DOCK10: variants seen among roughly 807,000 people sequenced by gnomAD.
The protein encoded by DOCK10 is dedicator of cytokinesis 10, also known as dedicator of cytokinesis protein 10.
Under a neutral mutation model 280.1 loss-of-function variants are expected in DOCK10, and 145 were observed. That is an observed-to-expected ratio of 0.52 (90% CI 0.45 to 0.59). The LOEUF (loss-of-function observed/expected upper bound fraction) is 0.59, where lower values mean the gene tolerates loss of function less well. DOCK10 is among the 20% of genes least tolerant of loss of function. The probability of loss-of-function intolerance (pLI) is 0.00; values close to 1 mark genes in which losing one functional copy is unlikely to be tolerated. For missense variants in DOCK10, 2,368 were observed against 2,651.7 expected, an observed-to-expected ratio of 0.89 and a Z score of 2.35; for synonymous variants, 915 against 942.2, an observed-to-expected ratio of 0.97 and a Z score of 0.53.
chr2:224,884,608 C>T (rs528126029), intron 7 of DOCK10, among the ~76,000 whole-genome samples: 2 of 152,094 alleles, frequency 1.3e-5, no homozygotes, highest in Non-Finnish European at 2.9e-5. Flanking sequence ...CACAGTGGCC[C>T]GTGCTGAATT....
At chr2:224,867,501 T>A (rs1029732963) in intron 11 of DOCK10, among the ~76,000 whole-genome samples, 1 of 152,090 alleles carries the variant, frequency 6.6e-6, no homozygotes, top group Non-Finnish European at 1.5e-5. Flanking sequence ...TCTTAACCTC[T>A]TGCCCCCAGG....
In DOCK10 at chr2:225,016,393, G is replaced by T. The variant is rs1424584980; in HGVS notation, c.123+25859C>A. 2.0e-5 allele frequency among the ~76,000 whole-genome samples: 3 copies of T among 151,682 alleles called. No homozygotes were observed. The East Asian group carries it at 5.9e-4, about 30-fold the overall frequency. On this transcript the variant is annotated intron_variant, in intron 1 of 55. Transcript: ENST00000258390. ...GTTTTTGACAAAAAGGAAATATTATGATGTTCTTATATGAGTAAGAAGGCA... is the reference window on the plus strand; with the variant it reads ...GTTTTTGACAAAAAGGAAATATTATTATGTTCTTATATGAGTAAGAAGGCA...
chr2:224,825,892 G>A (rs1694814442), intron 27 of DOCK10, among the ~76,000 whole-genome samples: 1 of 152,194 alleles, frequency 6.6e-6, no homozygotes, highest in Non-Finnish European at 1.5e-5. Flanking sequence ...AGCATGGCGA[G>A]GTCAAGGGGA....
chr2:224,872,325 C>A (rs1170660412), intron 11 of DOCK10, among the ~76,000 whole-genome samples: 1 of 152,132 alleles, frequency 6.6e-6, no homozygotes, highest in Non-Finnish European at 1.5e-5. Flanking sequence ...TGATATGGTA[C>A]CATGTGTAAC....
intron 24 of DOCK10, among the ~76,000 whole-genome samples, chr2:224,838,519 T>G (rs896969849): frequency 1.1e-4 from 16 of 152,122 alleles, no homozygotes; most frequent in Admixed American, 9.2e-4. Flanking sequence ...GAAAAGAGCA[T>G]GAGTTGAAGG....
At chr2:224,801,871 G>T (rs1451040781) in intron 40 of DOCK10, 45 bp downstream of exon 40, 1 of 1,600,764 alleles carries the variant, frequency 6.2e-7, no homozygotes, top group East Asian at 2.2e-5. Flanking sequence ...CATACCTAGA[G>T]AAAAACTGGT....
At chr2:224,783,382 C>A (rs1331996587) in intron 50 of DOCK10, among the ~76,000 whole-genome samples, 3 of 151,610 alleles carry the variant, frequency 2.0e-5, no homozygotes, top group Admixed American at 1.3e-4. Flanking sequence ...TCACGCCATT[C>A]TCCTGCTTCA....
At chr2:224,810,174 A>G (rs1693665421) in intron 31 of DOCK10, among the ~76,000 whole-genome samples, 1 of 152,172 alleles carries the variant, frequency 6.6e-6, no homozygotes, top group Admixed American at 6.6e-5. Flanking sequence ...GGTACGATGT[A>G]CATTATTTGG....
At chr2:224,919,679 G>A (rs1205460780) in intron 2 of DOCK10, among the ~76,000 whole-genome samples, 2 of 151,112 alleles carry the variant, frequency 1.3e-5, no homozygotes, top group East Asian at 1.9e-4. Context: ...GTCTGTCCAC[G>A]TGTGAATGGG....
intron 3 of DOCK10, among the ~76,000 whole-genome samples, chr2:224,897,650 T>G (rs1485322799): frequency 6.6e-6 from 1 of 152,228 alleles, no homozygotes; most frequent in East Asian, 1.9e-4. Flanking sequence ...CATGTGATGT[T>G]TCTCTTTCTG....
intron 2 of DOCK10, among the ~76,000 whole-genome samples, chr2:224,921,112 A>AAAAAAAAAAAAAAT: frequency 7.3e-5 from 4 of 54,432 alleles, no homozygotes; most frequent in African/African-American, 3.1e-4. Flanking sequence ...AAAAAAAAAA[A>AAAAAAAAAAAAAAT]ATATATATAT....
In DOCK10 at chr2:225,035,572, A is replaced by ATATATATATAT. The variant is rs1553634951; in HGVS notation, c.123+6669_123+6679dup. Among the ~76,000 whole-genome samples the ATATATATATAT allele has an allele frequency of 9.9e-4, 69 of 69,956 alleles. 2 individuals carry two copies. Among genetic ancestry groups the ATATATATATAT allele is most frequent in the Admixed American group, 2.9e-3 (17 of 5,928 alleles). 45.9% of individuals were successfully genotyped at this position (69,956 alleles called of 152,430 possible). A position where few individuals can be genotyped will look rare whatever the true frequency, so the allele number is the denominator to read the frequency against. On this transcript the variant is annotated intron_variant, in intron 1 of 55. Coordinates refer to ENST00000258390, the MANE Select transcript of DOCK10 (RefSeq NM_014689.3). ...TATATATATATATATATATATATAT[A>ATATATATATAT]TATATATATATATATAACACTGAAT... is the stretch of plus-strand genomic sequence containing the variant.
At chr2:224,797,240 C>G in intron 42 of DOCK10, 94 bp from the exon 43 acceptor site, 1 of 947,116 alleles carries the variant, frequency 1.1e-6, no homozygotes, top group East Asian at 3.1e-5. Flanking sequence ...CAAAATCCCT[C>G]TCCTTTTTTT....
At chr2:224,983,729 A>G in intron 1 of DOCK10, 1 of 470,696 alleles carries the variant, frequency 2.1e-6, no homozygotes, top group Non-Finnish European at 4.4e-6. Flanking sequence ...GAGAAGTAAA[A>G]CATGCTTCTT....
chr2:224,775,817 T>A (rs1052398740), intron 51 of DOCK10, among the ~76,000 whole-genome samples: 1 of 152,196 alleles, frequency 6.6e-6, no homozygotes, highest in Admixed American at 6.5e-5. Context: ...TGAAAACTTT[T>A]AAAAAATATC....
At chr2:225,016,546 T>C (rs1689596156) in intron 1 of DOCK10, among the ~76,000 whole-genome samples, 1 of 145,192 alleles carries the variant, frequency 6.9e-6, no homozygotes, top group Non-Finnish European at 1.5e-5. Context: ...CATATATCTA[T>C]ATGCACATAG....
chr2:224,936,808 C>T (rs114446418), intron 1 of DOCK10, among the ~76,000 whole-genome samples: 1,620 of 152,056 alleles, frequency 0.011, 12 homozygotes, highest in Admixed American at 0.02. Context: ...TATTGCTTTC[C>T]TCGTGGTGAG....
At chr2:224,833,405 C>T (rs758333297) in intron 26 of DOCK10, among the ~76,000 whole-genome samples, 3 of 152,034 alleles carry the variant, frequency 2.0e-5, no homozygotes, top group African/African-American at 4.8e-5. Context: ...TGCAGACACA[C>T]CAGCCATGCT....
At chr2:224,927,584 A>G (rs1349804915) in intron 2 of DOCK10, among the ~76,000 whole-genome samples, 1 of 152,206 alleles carries the variant, frequency 6.6e-6, no homozygotes, top group Non-Finnish European at 1.5e-5. Flanking sequence ...GCCTTGGTGA[A>G]AAGTAATCTT....
Sources: allele counts gnomAD v4.1 joint callset (sites outside exome capture counted in the v4.1 genomes callset), GRCh38; gene constraint gnomAD v4.1.1; transcripts MANE v1.5; gene names NCBI Gene and HGNC (gene_info 2026-07-23, HGNC 2026-07-21).